The following MDGA2 variants were observed in gnomAD, a reference collection of about 807,000 sequenced individuals.
MDGA2 encodes the protein MAM domain containing glycosylphosphatidylinositol anchor 2.
A neutral mutation model predicts 117.8 loss-of-function variants in MDGA2; 40 were observed. The observed-to-expected ratio is 0.34, with a 90% confidence interval of 0.26 to 0.44. The LOEUF (loss-of-function observed/expected upper bound fraction) is 0.44, where lower values mean the gene tolerates loss of function less well. MDGA2 is among the 20% of genes least tolerant of loss of function. MDGA2 has a pLI of 1.00. For synonymous variants in MDGA2, 452 were observed against 439.0 expected (o/e 1.03, Z -0.37); for missense variants, 1,123 against 1,250.6 (o/e 0.90, Z 1.54).
At chr14:47,311,018 G>A (rs970350306) in intron 1 of MDGA2, among the ~76,000 whole-genome samples, 14 of 152,060 alleles carry the variant, frequency 9.2e-5, no homozygotes, top group African/African-American at 3.4e-4. Context: ...AACTCTTCAA[G>A]GTTCTTTGAA....
chr14:47,093,222 G>T (rs2138958644), intron 6 of MDGA2, among the ~76,000 whole-genome samples: 1 of 152,106 alleles, frequency 6.6e-6, no homozygotes, highest in South Asian at 2.1e-4. Context: ...CAGGTTTAGA[G>T]TTATTACTAT....
In MDGA2 at chr14:47,593,430, G is replaced by A. The variant is rs115311054; in HGVS notation, c.280+81087C>T. ...TTCTATTATAAAGATACATGCATGC[G>A]TTTGTTCACGCCACGCTATTCACAT... On this transcript the variant is annotated intron_variant, in intron 1 of 16. Coordinates refer to ENST00000399232, the MANE Select transcript of MDGA2 (RefSeq NM_001113498.3). Among the ~76,000 whole-genome samples, 510 of 152,194 alleles carry A rather than the reference G, an allele frequency of 3.4e-3. 5 individuals are homozygous for A. The highest frequency in any genetic ancestry group is 0.011 in the African/African-American group (476 of 41,556).
chr14:46,988,629 A>C (rs1159090523), intron 8 of MDGA2, among the ~76,000 whole-genome samples: 6 of 152,044 alleles, frequency 3.9e-5, no homozygotes, highest in African/African-American at 1.4e-4. Context: ...GAGAATAAAT[A>C]AGTGCAGCTT....
intron 1 of MDGA2, among the ~76,000 whole-genome samples, chr14:47,601,017 A>C (rs571001957): frequency 6.6e-6 from 1 of 152,366 alleles, no homozygotes; most frequent in Admixed American, 6.5e-5. Context: ...CTAGAGTAAC[A>C]GTATAAGTAT....
intron 4 of MDGA2, among the ~76,000 whole-genome samples, chr14:47,140,704 T>C (rs573215132): frequency 1.6e-4 from 25 of 152,196 alleles, no homozygotes; most frequent in East Asian, 3.9e-4. Context: ...AAGACTTAAA[T>C]GTAAGACCTG....
chr14:46,900,384 A>G (rs977713709), intron 10 of MDGA2, among the ~76,000 whole-genome samples: 8 of 152,156 alleles, frequency 5.3e-5, no homozygotes, highest in African/African-American at 1.9e-4. Context: ...ACAAGTATTT[A>G]TTTTCACACA....
intron 1 of MDGA2, among the ~76,000 whole-genome samples, chr14:47,452,528 T>G (rs895787928): frequency 6.6e-6 from 1 of 152,116 alleles, no homozygotes; most frequent in African/African-American, 2.4e-5. Context: ...GTACTGGATT[T>G]CATAAAAAGG....
chr14:47,612,193 T>G (rs1346062954), intron 1 of MDGA2, among the ~76,000 whole-genome samples: 1 of 145,054 alleles, frequency 6.9e-6, no homozygotes, highest in African/African-American at 2.6e-5. Context: ...TCAAATGTGA[T>G]AGATAGATAG....
chr14:47,400,774 T>TC (rs1892121994), intron 1 of MDGA2, among the ~76,000 whole-genome samples: 1 of 125,502 alleles, frequency 8.0e-6, no homozygotes, highest in Non-Finnish European at 1.7e-5. Context: ...TTTTTTTTTT[T>TC]GAGACGGAGT....
rs996561466 is a variant in MDGA2 at position 47,002,727 on chromosome 14, TA to T, written c.1819+32283del. Among the ~76,000 whole-genome samples the T allele has an allele frequency of 1.9e-4, 28 of 148,854 alleles. 1 individual carries two copies. The highest frequency in any genetic ancestry group is 2.0e-4 in the East Asian group (1 of 5,076). On this transcript the variant is annotated intron_variant, in intron 8 of 16. Transcript: ENST00000399232. ...CTAGGCAACAGAGCAAGACTCTATC[TA>T]AAAAAAAAAATTTAATTTATTTATA...
intron 1 of MDGA2, among the ~76,000 whole-genome samples, chr14:47,337,958 T>C (rs1890510251): frequency 1.3e-5 from 2 of 152,018 alleles, no homozygotes. Context: ...TGTTTTGAAT[T>C]ACACACACAC....
chr14:47,595,564 A>AAAC (rs1896526567), intron 1 of MDGA2, among the ~76,000 whole-genome samples: 2 of 146,622 alleles, frequency 1.4e-5, no homozygotes, highest in Non-Finnish European at 3.0e-5. Context: ...AAACAAAAAA[A>AAAC]AAAAAAACCC....
intron 9 of MDGA2, among the ~76,000 whole-genome samples, chr14:46,941,927 G>A (rs186453367): frequency 5.1e-4 from 77 of 152,272 alleles, no homozygotes; most frequent in African/African-American, 1.8e-3. Context: ...TAGCTTGTTC[G>A]AGACTGATAT....
At chr14:47,140,547 T>A (rs1882674155) in intron 4 of MDGA2, among the ~76,000 whole-genome samples, 1 of 152,070 alleles carries the variant, frequency 6.6e-6, no homozygotes, top group Non-Finnish European at 1.5e-5. Flanking sequence ...CCAATGAATT[T>A]TCAACAAAAG....
intron 3 of MDGA2, among the ~76,000 whole-genome samples, chr14:47,167,859 CAAT>C (rs1343976447): frequency 1.3e-5 from 2 of 152,164 alleles, no homozygotes. Context: ...ACCAGCCTTG[CAAT>C]AATGAGTGAC....
At position 47,542,316 on chromosome 14, in the gene MDGA2, CAT is replaced by C. The variant is rs570812857; in HGVS notation, c.280+132199_280+132200del. ...CAAAATATTTATTTTTTGAAAAGCA[CAT>C]GTTTCTCCTTAGGATATTCTACTCA... On this transcript the variant is annotated intron_variant, in intron 1 of 16. Transcript: ENST00000399232. Among the ~76,000 whole-genome samples, 662 of 152,260 alleles carry C rather than the reference CAT, an allele frequency of 4.3e-3. 4 individuals carry two copies. The highest frequency in any genetic ancestry group is 0.015 in the African/African-American group (634 of 41,550).
At chr14:47,125,510 A>G (rs1382236094) in intron 5 of MDGA2, among the ~76,000 whole-genome samples, 1 of 152,032 alleles carries the variant, frequency 6.6e-6, no homozygotes, top group Non-Finnish European at 1.5e-5. Flanking sequence ...TGCCTAACAT[A>G]GGAAACAAAG....
chr14:47,034,330 C>T (rs1047278812), intron 8 of MDGA2, among the ~76,000 whole-genome samples: 2 of 151,902 alleles, frequency 1.3e-5, no homozygotes. Context: ...GAACTATAAC[C>T]GTGATTTCAG....
chr14:47,013,851 C>A (rs1311423621), intron 8 of MDGA2, among the ~76,000 whole-genome samples: 1 of 140,438 alleles, frequency 7.1e-6, no homozygotes, highest in African/African-American at 2.6e-5. Context: ...GTATGGAGTA[C>A]AATGGTATGA....
Sources: gnomAD v4.1 joint callset for allele counts (sites outside exome capture counted in the v4.1 genomes callset) on GRCh38, gnomAD v4.1.1 for gene constraint, MANE v1.5 for transcripts, NCBI Gene and HGNC (gene_info 2026-07-23, HGNC 2026-07-21) for gene names.